The following LRRC4C variants were observed in gnomAD, a reference collection of about 807,000 sequenced individuals.
LRRC4C encodes the protein leucine-rich repeat-containing protein 4C.
In LRRC4C, 5 loss-of-function variants were observed where a neutral mutation model predicts 33.6. The ratio of observed to expected loss-of-function variants is 0.15; its 90% CI spans 0.08 to 0.31. The LOEUF is 0.31. Among genes scored for constraint, LRRC4C ranks in the 10% least tolerant of loss-of-function variants. The pLI, the probability that LRRC4C is intolerant of heterozygous loss-of-function variation, is 1.00. For missense variants in LRRC4C, 560 were observed against 796.7 expected (o/e 0.70, Z 3.58); for synonymous variants, 329 against 302.0 (o/e 1.09, Z -0.93).
intron 2 of LRRC4C, among the ~76,000 whole-genome samples, chr11:40,704,689 G>A (rs991835537): frequency 6.6e-6 from 1 of 152,074 alleles, no homozygotes; most frequent in African/African-American, 2.4e-5. Flanking sequence ...GTATCATGGG[G>A]TTATGATCAG....
At chr11:40,563,284 T>C (rs536540852) in intron 3 of LRRC4C, among the ~76,000 whole-genome samples, 12 of 152,244 alleles carry the variant, frequency 7.9e-5, no homozygotes, top group Non-Finnish European at 1.5e-4. Flanking sequence ...GGGTGAAATG[T>C]GGGGCAAGGA....
chr11:41,165,524 T>C, intron 1 of LRRC4C, among the ~76,000 whole-genome samples: 1 of 152,082 alleles, frequency 6.6e-6, no homozygotes, highest in Admixed American at 6.6e-5. Flanking sequence ...AAATTACTAA[T>C]CTTACCACTT....
intron 3 of LRRC4C, among the ~76,000 whole-genome samples, chr11:40,473,415 A>C (rs1210322663): frequency 2.6e-5 from 4 of 152,168 alleles, no homozygotes; most frequent in African/African-American, 9.7e-5. Flanking sequence ...CTTCATGCTA[A>C]AACTCTCAAT....
intron 1 of LRRC4C, among the ~76,000 whole-genome samples, chr11:40,966,520 AAT>A (rs1477502398): frequency 1.2e-4 from 18 of 151,920 alleles, no homozygotes; most frequent in African/African-American, 4.1e-4. Flanking sequence ...TTAATATCAC[AAT>A]GTTTGCTTTT....
intron 5 of LRRC4C, among the ~76,000 whole-genome samples, chr11:40,149,064 G>C (rs914167111): frequency 1.1e-4 from 17 of 152,232 alleles, no homozygotes; most frequent in African/African-American, 3.6e-4. Flanking sequence ...GTACCATGCT[G>C]TTTTGATTAC....
chr11:41,395,293 G>A lies in LRRC4C; in HGVS notation c.-496+64138C>T, dbSNP rs16935671. On this transcript the variant is annotated intron_variant, in intron 1 of 6. Transcript: ENST00000528697. ...AGCAACTGCTTTGTCAGAAAGAGTT[G>A]TGTCCTAGCAAATTTGAGCAATAAG... Among the ~76,000 whole-genome samples, 867 of 152,084 alleles carry A rather than the reference G, an allele frequency of 5.7e-3. 54 individuals are homozygous for A. The East Asian group carries it at 0.13, about 22-fold the overall frequency.
intron 1 of LRRC4C, among the ~76,000 whole-genome samples, chr11:41,227,734 C>A (rs997682628): frequency 2.0e-5 from 3 of 152,172 alleles, no homozygotes; most frequent in African/African-American, 7.2e-5. Context: ...GTCCACTTTG[C>A]ATTCCTTCCC....
At chr11:40,291,634 T>C (rs1489403446) in intron 4 of LRRC4C, among the ~76,000 whole-genome samples, 1 of 152,124 alleles carries the variant, frequency 6.6e-6, no homozygotes, top group East Asian at 1.9e-4. Flanking sequence ...TTGTGGAAAG[T>C]ACAGCCACTT....
At chr11:41,171,787 G>C (rs1410646764) in intron 1 of LRRC4C, among the ~76,000 whole-genome samples, 1 of 151,908 alleles carries the variant, frequency 6.6e-6, no homozygotes, top group Non-Finnish European at 1.5e-5. Context: ...CCAAGATTTA[G>C]ATTGGTGGGT....
At chr11:40,645,058 A>G (rs534302391) in intron 3 of LRRC4C, among the ~76,000 whole-genome samples, 2 of 152,140 alleles carry the variant, frequency 1.3e-5, no homozygotes, top group African/African-American at 4.8e-5. Flanking sequence ...TCTCTACTGC[A>G]CGGCAATCAT....
chr11:40,941,243 G>T (rs1212690924), intron 1 of LRRC4C, among the ~76,000 whole-genome samples: 1 of 152,002 alleles, frequency 6.6e-6, no homozygotes, highest in Non-Finnish European at 1.5e-5. Context: ...GATTAAAACA[G>T]GTTTGTAATG....
At chr11:40,221,839 G>C (rs970102075) in intron 5 of LRRC4C, among the ~76,000 whole-genome samples, 2 of 151,936 alleles carry the variant, frequency 1.3e-5, no homozygotes, top group Non-Finnish European at 2.9e-5. Context: ...AATCGATCAC[G>C]ACCCTCTCAA....
chr11:41,307,131 T>A (rs1330789584), intron 1 of LRRC4C, among the ~76,000 whole-genome samples: 1 of 152,094 alleles, frequency 6.6e-6, no homozygotes, highest in Non-Finnish European at 1.5e-5. Flanking sequence ...GGATACGGCT[T>A]GGGGGAGAGA....
chr11:40,825,943 G>A (rs527334954), intron 2 of LRRC4C, among the ~76,000 whole-genome samples: 5 of 59,776 alleles, frequency 8.4e-5, no homozygotes, highest in African/African-American at 1.6e-4. Context: ...TGTATTCTGG[G>A]GGGGGGGCGT....
chr11:40,743,376 G>T (rs761255362), intron 2 of LRRC4C, among the ~76,000 whole-genome samples: 1 of 152,012 alleles, frequency 6.6e-6, no homozygotes, highest in Non-Finnish European at 1.5e-5. Context: ...CAACACAAAT[G>T]TATTATGGGA....
intron 1 of LRRC4C, among the ~76,000 whole-genome samples, chr11:41,189,979 G>A (rs1008762995): frequency 1.3e-5 from 2 of 152,184 alleles, no homozygotes; most frequent in South Asian, 4.1e-4. Context: ...GCCTAGTGCT[G>A]TAGTTAAGCA....
chr11:41,302,920 A>C (rs1170987563), intron 1 of LRRC4C, among the ~76,000 whole-genome samples: 2 of 152,204 alleles, frequency 1.3e-5, no homozygotes, highest in Admixed American at 6.5e-5. Flanking sequence ...GCAAAATATT[A>C]TCTCTTTAAA....
chr11:41,099,629 G>A (rs1941040715), intron 1 of LRRC4C, among the ~76,000 whole-genome samples: 3 of 151,926 alleles, frequency 2.0e-5, no homozygotes, highest in Admixed American at 2.0e-4. Context: ...AGGCTTTCAA[G>A]AATTTTAACA....
At chr11:41,433,130 A>T (rs1955300675) in intron 1 of LRRC4C, among the ~76,000 whole-genome samples, 1 of 152,158 alleles carries the variant, frequency 6.6e-6, no homozygotes, top group Non-Finnish European at 1.5e-5. Flanking sequence ...GGAAACAAAT[A>T]CAAACTTTCA....
Sources: gnomAD v4.1 joint callset for allele counts (sites outside exome capture counted in the v4.1 genomes callset) on GRCh38, gnomAD v4.1.1 for gene constraint, MANE v1.5 for transcripts, NCBI Gene and HGNC (gene_info 2026-07-23, HGNC 2026-07-21) for gene names.